QSOX1: variants seen among roughly 807,000 people sequenced by gnomAD.
The protein encoded by QSOX1 is sulfhydryl oxidase 1.
Under a neutral mutation model 76.1 loss-of-function variants are expected in QSOX1, and 40 were observed. The observed-to-expected ratio is 0.53, with a 90% CI of 0.41 to 0.68. The LOEUF (loss-of-function observed/expected upper bound fraction) is 0.68. Among genes scored for constraint, QSOX1 ranks in the 30% least tolerant of loss-of-function variants. QSOX1 has a pLI of 0.00. For synonymous variants in QSOX1, 392 were observed against 413.1 expected (o/e 0.95, Z 0.62); for missense variants, 931 against 974.3 (o/e 0.96, Z 0.59).
chr1:180,161,507 A>G (rs1662492321), intron 1 of QSOX1, among the ~76,000 whole-genome samples: 1 of 152,236 alleles, frequency 6.6e-6, no homozygotes, highest in Non-Finnish European at 1.5e-5. Flanking sequence ...AAGAGAGCAG[A>G]TACTTATTGA....
In QSOX1 at chr1:180,175,386, T is replaced by G. The variant is rs753771943; in HGVS notation, c.412+20T>G. 5.6e-6 allele frequency: 9 copies of G among 1,612,144 alleles called. No individual in the cohort carries two copies. The South Asian group carries it at 9.9e-5, about 18-fold the overall frequency. ...TTCCAGGTGGGTGCCCAGCTCTGGT[T>G]GTCCTGTTAGCATCTTCCTCCCCCA... On this transcript the variant is annotated intron_variant, in intron 3 of 11. Coordinates refer to ENST00000367602, the MANE Select transcript of QSOX1 (RefSeq NM_002826.5).
At chr1:180,160,314 G>T (rs1662465746) in intron 1 of QSOX1, among the ~76,000 whole-genome samples, 1 of 151,620 alleles carries the variant, frequency 6.6e-6, no homozygotes, top group Admixed American at 6.6e-5. Flanking sequence ...GCAACAGAAA[G>T]TGTCAGCAAT....
chr1:180,188,445 C>A (rs889787097), intron 8 of QSOX1, among the ~76,000 whole-genome samples: 2 of 152,226 alleles, frequency 1.3e-5, no homozygotes, highest in Admixed American at 1.3e-4. Context: ...CTGGCACTGT[C>A]GCCTTAGAAG....
chr1:180,198,681 A>T lies in QSOX1; in HGVS notation c.*1644A>T. 3.2e-6 allele frequency: 1 copy of T among 311,904 alleles called. No homozygotes were observed. Among genetic ancestry groups the T allele is most frequent in the South Asian group, 2.6e-5 (1 of 37,962 alleles). The allele number at this position is 311,904 out of a possible 1,614,324, so 19.3% of individuals were successfully genotyped here. A position where few individuals can be genotyped will look rare whatever the true frequency, so the allele number is the denominator to read the frequency against. On this transcript the variant is annotated 3_prime_UTR_variant, in exon 12 of 12. Coordinates refer to ENST00000367602, the MANE Select transcript of QSOX1 (RefSeq NM_002826.5). ...GCGCCTTGCTGGGCTCCTGGGTTGG[A>T]CTCCCTCTCTGTGCCCCTGCTCCAG...
At chr1:180,192,709 T>C (rs530551779) in intron 10 of QSOX1, among the ~76,000 whole-genome samples, 1 of 152,200 alleles carries the variant, frequency 6.6e-6, no homozygotes, top group East Asian at 1.9e-4. Flanking sequence ...AATGGCCCGC[T>C]TTGTGTCAAT....
At chr1:180,177,589 G>A (rs983512429) in intron 4 of QSOX1, among the ~76,000 whole-genome samples, 2 of 152,192 alleles carry the variant, frequency 1.3e-5, no homozygotes, top group African/African-American at 4.8e-5. Context: ...TAGGAAGGAG[G>A]TAGAGATGTG....
chr1:180,160,545 A>C (rs765805877), intron 1 of QSOX1, among the ~76,000 whole-genome samples: 1 of 152,166 alleles, frequency 6.6e-6, no homozygotes, highest in Admixed American at 6.5e-5. Flanking sequence ...ATCTGGGTTT[A>C]GCGTGACAAA....
chr1:180,162,881 G>GA (rs1481228340), intron 1 of QSOX1, among the ~76,000 whole-genome samples: 4 of 152,108 alleles, frequency 2.6e-5, no homozygotes, highest in Admixed American at 6.5e-5. Context: ...CATTGTTGCA[G>GA]AAAAAACAGC....
Position 180,196,275 on chromosome 1 carries a change from G to T in QSOX1, c.1482G>T (p.Glu494Asp). 6 of 1,611,132 alleles carry T rather than the reference G, an allele frequency of 3.7e-6. No homozygotes were observed. In the East Asian group the frequency reaches 1.3e-4, roughly 36 times the overall value. Residue 494 changes from glutamate (E) to aspartate (D), a missense_variant, in exon 12 of 12, where the codon GAG (glutamate) becomes GAT (aspartate). By Grantham distance (45) the Glu-to-Asp change is conservative. Coordinates refer to ENST00000367602, the MANE Select transcript of QSOX1 (RefSeq NM_002826.5). This position sits in a 1 kb window ranked among gnomAD's most constrained non-coding sequence, Gnocchi z 4.1. ...VNARLAGAPS[E>D]DPQFPKVQWP... ...TTCCCTCTGTAGGTGCCCCCAGCGA[G>T]GACCCCCAGTTCCCCAAGGTGCAGT...
intron 5 of QSOX1, among the ~76,000 whole-genome samples, chr1:180,181,109 G>T (rs1480085224): frequency 6.6e-6 from 1 of 152,144 alleles, no homozygotes; most frequent in Non-Finnish European, 1.5e-5. Flanking sequence ...GAGGCAATCT[G>T]TGTGGACACT....
rs201057145 is a variant in QSOX1, at chr1:180,182,204, G to T, written c.637G>T (p.Val213Leu). ...VALDLSQHKG[V>L]AVRRVLNTEA... ...TCTGGACCTGTCCCAGCACAAAGGC[G>T]TGGCGGTGCGCAGGGTGCTGAACAC... Residue 213 changes from valine to leucine, a missense_variant, in exon 6 of 12, where the codon GTG becomes TTG. Physicochemically the swap from Val to Leu is conservative, Grantham distance 32 (BLOSUM62 1). Coordinates refer to ENST00000367602, the MANE Select transcript of QSOX1 (RefSeq NM_002826.5). 1.2e-6 allele frequency: 2 copies of T among 1,614,198 alleles called. No individual in the cohort carries two copies. Among genetic ancestry groups the T allele is most frequent in the Non-Finnish European group, 1.7e-6 (2 of 1,180,028 alleles).
intron 11 of QSOX1, among the ~76,000 whole-genome samples, chr1:180,195,967 T>G (rs1292152669): frequency 6.6e-6 from 1 of 152,124 alleles, no homozygotes; most frequent in Non-Finnish European, 1.5e-5. Context: ...GGACAGTGGG[T>G]CTGGCCAACA....
chr1:180,175,957 C>T lies in QSOX1; in HGVS notation c.439C>T (p.Arg147Trp), dbSNP rs770506728. 2.5e-6 allele frequency: 4 copies of T among 1,598,782 alleles called. No homozygotes were observed. The highest frequency in any genetic ancestry group is 1.3e-5 in the African/African-American group (1 of 74,820). ...GGCTGGTGCTGACGTGCAGACACTG[C>T]GGGAGAGGCTCATTGACGCCCTGGA... ...PVAGADVQTL[R>W]ERLIDALESH... Residue 147 changes from arginine to tryptophan, a missense_variant, in exon 4 of 12, where the codon CGG (arginine) becomes TGG (tryptophan). Transcript: ENST00000367602.
At chr1:180,157,348 C>G (rs1331227367) in intron 1 of QSOX1, among the ~76,000 whole-genome samples, 1 of 152,308 alleles carries the variant, frequency 6.6e-6, no homozygotes, top group East Asian at 1.9e-4. Flanking sequence ...AAGGGGTGTT[C>G]CCTGGTGAGG....
At position 180,196,334 on chromosome 1, in the gene QSOX1, A is replaced by G. The variant is rs750506970; in HGVS notation, c.1541A>G (p.Asn514Ser). Residue 514 changes from asparagine to serine, a missense_variant, in exon 12 of 12, where the codon AAT (asparagine) becomes AGT (serine). Asn to Ser is a conservative substitution (Grantham distance 46). Transcript: ENST00000367602. The surrounding 1 kb of genome is among the most constrained non-coding windows in gnomAD (Gnocchi z 4.1). ...CGTGAACTTTGTTCTGCCTGCCACA[A>G]TGAACGCCTGGATGTGCCCGTGTGG... ...PPRELCSACH[N>S]ERLDVPVWDV... is the part of the protein sequence containing the mutation. 4.0e-5 allele frequency: 65 copies of G among 1,614,134 alleles called. No homozygotes were observed. Among genetic ancestry groups the G allele is most frequent in the Admixed American group, 8.3e-5 (5 of 60,020 alleles).
chr1:180,192,935 C>T (rs1296364376), intron 10 of QSOX1, among the ~76,000 whole-genome samples: 1 of 152,036 alleles, frequency 6.6e-6, no homozygotes, highest in Non-Finnish European at 1.5e-5. Flanking sequence ...ATGGTGATTT[C>T]AAGGGGGCCC....
At position 180,155,138 on chromosome 1, in the gene QSOX1, C is replaced by A; in HGVS notation, c.231C>A (p.Ala77=). ...GGTGCGGCCACTGCATCGCCTTCGCCCCGACGTGGAAGGCGCTGGCCGAAG... is the reference window on the plus strand; with the variant it reads ...GGTGCGGCCACTGCATCGCCTTCGCACCGACGTGGAAGGCGCTGGCCGAAG... The part of the protein sequence containing the change: ...ASWCGHCIAF[A]PTWKALAEDV... Residue 77 remains alanine (A), a synonymous_variant, in exon 1 of 12, where the codon GCC becomes GCA. Coordinates refer to ENST00000367602, the MANE Select transcript of QSOX1 (RefSeq NM_002826.5). The A allele has an allele frequency of 6.6e-7, 1 of 1,521,478 alleles. No homozygotes were observed. Among genetic ancestry groups the A allele is most frequent in the Non-Finnish European group, 8.8e-7 (1 of 1,138,910 alleles). The allele number at this position is 1,521,478 out of a possible 1,614,324, so 94.2% of individuals were successfully genotyped here.
intron 2 of QSOX1, among the ~76,000 whole-genome samples, chr1:180,175,007 A>T (rs898629802): frequency 5.3e-5 from 8 of 151,910 alleles, no homozygotes; most frequent in Non-Finnish European, 8.8e-5. Context: ...CACAAAAAAA[A>T]TTAGTCGAGT....
rs565072820 is a variant in QSOX1 at position 180,175,008 on chromosome 1, T to C, written c.367-313T>C. 6.6e-5 allele frequency among the ~76,000 whole-genome samples: 10 copies of C among 151,480 alleles called. No individual in the cohort carries two copies. In the South Asian group the frequency reaches 2.1e-3, roughly 32 times the overall value. The stretch of plus-strand genomic sequence containing the variant: ...CTACTAAAAATACACACAAAAAAAA[T>C]TAGTCGAGTGTGGTGGTGGGCGCCT... On this transcript the variant is annotated intron_variant, in intron 2 of 11. Coordinates refer to ENST00000367602, the MANE Select transcript of QSOX1 (RefSeq NM_002826.5).
Sources: allele counts gnomAD v4.1 joint callset (sites outside exome capture counted in the v4.1 genomes callset), GRCh38; gene constraint gnomAD v4.1.1; non-coding constraint Gnocchi (gnomAD v3.1); transcripts MANE v1.5; gene names NCBI Gene and HGNC (gene_info 2026-07-23, HGNC 2026-07-21).